Variants in FRMD4A observed in about 807,000 individuals in gnomAD.
The protein encoded by FRMD4A is FERM domain-containing protein 4A.
A neutral mutation model predicts 129.1 loss-of-function variants in FRMD4A; 29 were observed. That is an observed-to-expected ratio of 0.22 (90% CI 0.17 to 0.31). The LOEUF (loss-of-function observed/expected upper bound fraction) is 0.31, where lower values mean the gene tolerates loss of function less well. Among genes scored for constraint, FRMD4A ranks in the 10% least tolerant of loss-of-function variants. The pLI is 1.00. For missense variants in FRMD4A, 1,272 were observed against 1,375.8 expected, an observed-to-expected ratio of 0.92 and a Z score of 1.19; for synonymous variants, 634 against 571.6, an observed-to-expected ratio of 1.11 and a Z score of -1.56.
intron 12 of FRMD4A, among the ~76,000 whole-genome samples, chr10:13,724,683 G>A (rs375126442): frequency 3.3e-5 from 5 of 152,284 alleles, no homozygotes; most frequent in East Asian, 3.9e-4. Context: ...GTCTCAGGGC[G>A]GCTGCTACGT....
chr10:13,794,391 C>CAAAAAAAAAAAA (rs5783349), intron 5 of FRMD4A, among the ~76,000 whole-genome samples: 1 of 102,960 alleles, frequency 9.7e-6, no homozygotes, highest in East Asian at 2.7e-4. Flanking sequence ...GAATCCGTCT[C>CAAAAAAAAAAAA]AAAAAAAAAA....
intron 2 of FRMD4A, among the ~76,000 whole-genome samples, chr10:13,992,760 C>T (rs1303697776): frequency 6.6e-6 from 1 of 151,920 alleles, no homozygotes; most frequent in East Asian, 1.9e-4. Flanking sequence ...TCAAGACCAG[C>T]TTGACCAAAT....
At chr10:14,186,767 A>G (rs886115793) in intron 2 of FRMD4A, among the ~76,000 whole-genome samples, 1 of 152,104 alleles carries the variant, frequency 6.6e-6, no homozygotes, top group Non-Finnish European at 1.5e-5. Context: ...GAGACTGGCA[A>G]AGAAGATCAT....
chr10:13,921,567 C>T (rs2095073742), intron 2 of FRMD4A, among the ~76,000 whole-genome samples: 1 of 152,162 alleles, frequency 6.6e-6, no homozygotes, highest in Non-Finnish European at 1.5e-5. Context: ...GGGCTGGTGC[C>T]TCTTTTATAA....
intron 2 of FRMD4A, among the ~76,000 whole-genome samples, chr10:14,108,385 T>C (rs983112820): frequency 2.6e-5 from 4 of 152,240 alleles, no homozygotes; most frequent in Non-Finnish European, 5.9e-5. Flanking sequence ...GTCTGAAGGT[T>C]CTAGAAATCT....
chr10:14,293,933 TAAG>T (rs10538275), intron 2 of FRMD4A, among the ~76,000 whole-genome samples: 48,678 of 151,954 alleles, frequency 0.32, 8,092 homozygotes, highest in Middle Eastern at 0.37. Flanking sequence ...AATGTAAATT[TAAG>T]AAGAAGGAGA....
rs750879063 is a variant in FRMD4A at position 13,782,147 on chromosome 10, TTA to T, written c.384+773_384+774del. Among the ~76,000 whole-genome samples, 1,203 of 130,674 alleles carry T rather than the reference TTA, an allele frequency of 9.2e-3. 13 individuals are homozygous for T. The highest frequency in any genetic ancestry group is 0.028 in the African/African-American group (947 of 34,144). The allele number at this position is 130,674 out of a possible 152,430, so 85.7% of individuals were successfully genotyped here. A position where few individuals can be genotyped will look rare whatever the true frequency, so the allele number is the denominator to read the frequency against. The stretch of plus-strand genomic sequence containing the variant: ...ATGTATGTGCATTTTACAATTTTTT[TTA>T]AAAAAGAAACTGTCTCAAAGTGACA... On this transcript the variant is annotated intron_variant, in intron 6 of 24. Coordinates refer to ENST00000357447, the MANE Select transcript of FRMD4A (RefSeq NM_018027.5).
At chr10:13,853,644 G>A (rs1414751353) in intron 3 of FRMD4A, among the ~76,000 whole-genome samples, 4 of 151,816 alleles carry the variant, frequency 2.6e-5, no homozygotes, top group South Asian at 2.1e-4. Context: ...GACCAGCCTC[G>A]TCAACACGGC....
intron 4 of FRMD4A, among the ~76,000 whole-genome samples, chr10:13,800,631 CCA>C (rs891668870): frequency 6.6e-5 from 10 of 152,154 alleles, no homozygotes; most frequent in African/African-American, 2.4e-4. Context: ...ATATGAGTGA[CCA>C]CACACACTGC....
chr10:13,704,404 T>C (rs2087195156), intron 13 of FRMD4A, among the ~76,000 whole-genome samples: 1 of 152,184 alleles, frequency 6.6e-6, no homozygotes, highest in Admixed American at 6.5e-5. Context: ...CTTCTTCCTC[T>C]GGGCTCCTCC....
intron 2 of FRMD4A, among the ~76,000 whole-genome samples, chr10:14,025,165 C>T (rs113188355): frequency 0.019 from 2,895 of 152,296 alleles, 39 homozygotes; most frequent in Middle Eastern, 0.048. Context: ...CTATGCACCC[C>T]CTCTGCTGCA....
At chr10:13,836,492 CAG>C (rs2093875654) in intron 3 of FRMD4A, among the ~76,000 whole-genome samples, 2 of 152,094 alleles carry the variant, frequency 1.3e-5, no homozygotes, top group Non-Finnish European at 2.9e-5. Context: ...GGGGAGGAAA[CAG>C]AGAAACAGAA....
chr10:13,850,128 G>T (rs1388205508), intron 3 of FRMD4A, among the ~76,000 whole-genome samples: 1 of 152,032 alleles, frequency 6.6e-6, no homozygotes, highest in Admixed American at 6.6e-5. Flanking sequence ...TTGAACCCAG[G>T]AGGTGGAGGT....
intron 2 of FRMD4A, among the ~76,000 whole-genome samples, chr10:13,987,056 C>A (rs186629579): frequency 4.3e-4 from 65 of 152,170 alleles, no homozygotes; most frequent in African/African-American, 1.6e-3. Flanking sequence ...AGATCTAGGC[C>A]CTCAGATCTC....
At chr10:13,726,796 C>G (rs1262407302) in intron 12 of FRMD4A, among the ~76,000 whole-genome samples, 2 of 152,166 alleles carry the variant, frequency 1.3e-5, no homozygotes, top group Non-Finnish European at 2.9e-5. Flanking sequence ...GAGATGAGGT[C>G]TTGTTATGTT....
chr10:14,183,036 G>C (rs1043701722), intron 2 of FRMD4A, among the ~76,000 whole-genome samples: 2 of 152,174 alleles, frequency 1.3e-5, no homozygotes, highest in African/African-American at 4.8e-5. Flanking sequence ...GGAGGTGAGG[G>C]AGGACTTCAG....
rs534389861 is a variant in FRMD4A at position 13,920,982 on chromosome 10, A to T, written c.46-62070T>A. Reference sequence around the variant, plus strand: ...CTTAATCCTATCATCCCCATTTTACAGATGTCTTAGTCTGTTCAGGCTGCT... The same window carrying T: ...CTTAATCCTATCATCCCCATTTTACTGATGTCTTAGTCTGTTCAGGCTGCT... On this transcript the variant is annotated intron_variant, in intron 2 of 24. Coordinates refer to ENST00000357447, the MANE Select transcript of FRMD4A (RefSeq NM_018027.5). Among the ~76,000 whole-genome samples, 7 of 152,272 alleles carry T rather than the reference A, an allele frequency of 4.6e-5. No homozygotes were observed. In the South Asian group the frequency reaches 1.5e-3, roughly 32 times the overall value.
intron 3 of FRMD4A, among the ~76,000 whole-genome samples, chr10:13,814,197 G>A (rs768716989): frequency 3.3e-5 from 5 of 152,196 alleles, no homozygotes; most frequent in Non-Finnish European, 5.9e-5. Flanking sequence ...ATAAAATGAA[G>A]TGTGACTACA....
At position 13,868,518 on chromosome 10, in the gene FRMD4A, T is replaced by A. The variant is rs1001874466; in HGVS notation, c.46-9606A>T. Among the ~76,000 whole-genome samples the A allele has an allele frequency of 3.3e-5, 5 of 152,058 alleles. No homozygotes were observed. In the East Asian group the frequency reaches 9.7e-4, roughly 29 times the overall value. On this transcript the variant is annotated intron_variant, in intron 2 of 24. Transcript: ENST00000357447. ...CTGGATTTAAAAAAACATACGCAGG[T>A]GTGGCCAGGCACGGCGGCTCACTAC...
Sources: allele counts gnomAD v4.1 joint callset (sites outside exome capture counted in the v4.1 genomes callset), GRCh38; gene constraint gnomAD v4.1.1; transcripts MANE v1.5; gene names NCBI Gene and HGNC (gene_info 2026-07-23, HGNC 2026-07-21).